EHHADH: variants seen among roughly 807,000 people sequenced by gnomAD.
EHHADH encodes the protein enoyl-CoA hydratase and 3-hydroxyacyl CoA dehydrogenase.
EHHADH carries 48 observed loss-of-function variants against 64.4 expected under a neutral mutation model. That is an observed-to-expected ratio of 0.75 (90% confidence interval 0.59 to 0.95). EHHADH has a LOEUF of 0.95. Ranked by LOEUF, EHHADH falls within the 40% of genes least tolerant of loss-of-function variation. The pLI is 0.00. For synonymous variants in EHHADH, 308 were observed against 326.7 expected, an observed-to-expected ratio of 0.94 and a Z score of 0.62; for missense variants, 854 against 876.6, an observed-to-expected ratio of 0.97 and a Z score of 0.33.
intron 4 of EHHADH, among the ~76,000 whole-genome samples, chr3:185,226,108 G>A (rs1179050453): frequency 1.3e-5 from 2 of 152,162 alleles, no homozygotes; most frequent in African/African-American, 2.4e-5. Flanking sequence ...TAACCACTTG[G>A]TATTCAAGCT....
intron 4 of EHHADH, among the ~76,000 whole-genome samples, chr3:185,223,350 C>T (rs1361263721): frequency 6.6e-6 from 1 of 152,034 alleles, no homozygotes; most frequent in African/African-American, 2.4e-5. Context: ...TCTTATTTAA[C>T]AAAATATTTT....
chr3:185,240,402 T>G (rs200321179), intron 2 of EHHADH, among the ~76,000 whole-genome samples: 2 of 20,704 alleles, frequency 9.7e-5, no homozygotes, highest in African/African-American at 1.6e-4. Context: ...TGGTCTTGGG[T>G]TTTTTTTGGT....
rs748170825 is a variant in EHHADH, at chr3:185,192,433, T to TC, written c.1964dup (p.Trp656MetfsTer33). 4.3e-6 allele frequency: 7 copies of TC among 1,614,108 alleles called. No individual in the cohort carries two copies. Among genetic ancestry groups the TC allele is most frequent in the Non-Finnish European group, 5.9e-6 (7 of 1,180,054 alleles). ...TGGGCCCGCCCTTGTGCCTTGGCCA[T>TC]CCATATCCATGTAAATAGACAACAT... On this transcript the variant is annotated frameshift_variant, in exon 7 of 7. Coordinates refer to ENST00000231887, the MANE Select transcript of EHHADH (RefSeq NM_001966.4). LOFTEE classifies it high-confidence loss of function.
chr3:185,245,883 C>G (rs550899028), intron 2 of EHHADH: 1 of 1,107,502 alleles, frequency 9.0e-7, no homozygotes. Flanking sequence ...GGATTCTTTT[C>G]CCTCATGATG....
Position 185,253,772 on chromosome 3 carries a change from A to AAAAAAAAG in EHHADH, c.74+176_74+177insCTTTTTTT, listed in dbSNP as rs1553780971. On this transcript the variant is annotated intron_variant, in intron 1 of 6. Coordinates refer to ENST00000231887, the MANE Select transcript of EHHADH (RefSeq NM_001966.4). ...AAGCTAATCTAGGTTAAAAAAAAAA[A>AAAAAAAAG]AAAAGAAAAGAAAAAGAAAGAAAGA... is the stretch of plus-strand genomic sequence containing the variant. 12 of 1,332,442 alleles carry AAAAAAAAG rather than the reference A, an allele frequency of 9.0e-6. No homozygotes were observed. The Admixed American group carries it at 9.7e-5, about 11-fold the overall frequency. The allele number at this position is 1,332,442 out of a possible 1,614,324, so 82.5% of individuals were successfully genotyped here.
chr3:185,245,808 T>G lies in EHHADH; in HGVS notation c.178+2606A>C, dbSNP rs1719578611. On this transcript the variant is annotated intron_variant, in intron 2 of 6. Transcript: ENST00000231887. ...AAGTTGACAGAAGAAGTTTTCTTGG[T>G]TCCTACTCAGACGACCTGTGGAGGT... 4 of 746,246 alleles carry G rather than the reference T, an allele frequency of 5.4e-6. No homozygotes were observed. The South Asian group carries it at 6.1e-5, about 11-fold the overall frequency. The allele number at this position is 746,246 out of a possible 1,614,324, so 46.2% of individuals were successfully genotyped here. A position where few individuals can be genotyped will look rare whatever the true frequency, so the allele number is the denominator to read the frequency against.
chr3:185,205,309 T>C (rs371562537), intron 5 of EHHADH, among the ~76,000 whole-genome samples: 293 of 152,246 alleles, frequency 1.9e-3, no homozygotes, highest in African/African-American at 7.0e-3. Context: ...AAGTTGGTTT[T>C]TCAACCTTTG....
chr3:185,202,338 CA>C (rs35411232), intron 6 of EHHADH, among the ~76,000 whole-genome samples: 92,054 of 126,172 alleles, frequency 0.73, 33,854 homozygotes, highest in Non-Finnish European at 0.82. Context: ...AACTCCATAT[CA>C]AAAAAAAAAA....
intron 1 of EHHADH, among the ~76,000 whole-genome samples, chr3:185,251,417 C>T (rs1380170512): frequency 3.3e-5 from 5 of 152,258 alleles, no homozygotes; most frequent in African/African-American, 2.4e-5. Context: ...TACGTAAAAA[C>T]GTGAGCTTTC....
chr3:185,240,973 C>T lies in EHHADH; in HGVS notation c.179-5511G>A, dbSNP rs375805204. 3.9e-5 allele frequency among the ~76,000 whole-genome samples: 6 copies of T among 152,108 alleles called. No individual in the cohort carries two copies. The East Asian group carries it at 5.8e-4, about 15-fold the overall frequency. ...CTTGCCCCACTCCCACCCTTCCCCC[C>T]CAAATCCCCAAAGTCCATTGTATCA... On this transcript the variant is annotated intron_variant, in intron 2 of 6. Transcript: ENST00000231887.
intron 2 of EHHADH, 60 bp from the exon 3 acceptor site, chr3:185,235,522 A>G (rs1577372521): frequency 1.5e-6 from 2 of 1,374,020 alleles, no homozygotes; most frequent in South Asian, 1.5e-5. Flanking sequence ...TTGTTATATA[A>G]CAGTAAGTTA....
At chr3:185,227,759 G>A (rs964075411) in intron 4 of EHHADH, among the ~76,000 whole-genome samples, 1 of 152,212 alleles carries the variant, frequency 6.6e-6, no homozygotes, top group African/African-American at 2.4e-5. Context: ...CTGGGAGGCG[G>A]AGGTTGTGGT....
At chr3:185,222,245 G>A (rs1295170040) in intron 4 of EHHADH, among the ~76,000 whole-genome samples, 3 of 151,950 alleles carry the variant, frequency 2.0e-5, no homozygotes, top group African/African-American at 4.8e-5. Flanking sequence ...CATTGGCTGG[G>A]TGTGCCACGA....
chr3:185,218,318 T>G lies in EHHADH; in HGVS notation c.464-78A>C, dbSNP rs561850049. 4.4e-6 allele frequency: 4 copies of G among 917,238 alleles called. No individual in the cohort carries two copies. In the South Asian group the frequency reaches 6.3e-5, roughly 14 times the overall value. The allele number at this position is 917,238 out of a possible 1,614,324, so 56.8% of individuals were successfully genotyped here. ...AAAGCAAAAGCATTACTCTCTCTAG[T>G]AGGAAAGGCTGTCTGTCTGGATATA... On this transcript the variant is annotated intron_variant, in intron 4 of 6. Transcript: ENST00000231887.
chr3:185,215,077 C>T (rs1718646308), intron 5 of EHHADH, among the ~76,000 whole-genome samples: 2 of 152,056 alleles, frequency 1.3e-5, no homozygotes, highest in Admixed American at 6.5e-5. Context: ...CTGTTCTGAT[C>T]TGCTTGGCAA....
intron 4 of EHHADH, among the ~76,000 whole-genome samples, chr3:185,228,302 A>AGAGG (rs1427103486): frequency 7.2e-6 from 1 of 139,152 alleles, no homozygotes; most frequent in East Asian, 2.1e-4. Flanking sequence ...AGAGAGAGAG[A>AGAGG]GAAAGAGAGT....
At chr3:185,228,834 C>T (rs1227507396) in intron 4 of EHHADH, among the ~76,000 whole-genome samples, 4 of 151,852 alleles carry the variant, frequency 2.6e-5, no homozygotes, top group Admixed American at 1.3e-4. Context: ...AGATGAGTCT[C>T]GCTCTGTTGC....
chr3:185,251,251 T>C (rs898546793), intron 1 of EHHADH, among the ~76,000 whole-genome samples: 1 of 151,898 alleles, frequency 6.6e-6, no homozygotes, highest in Admixed American at 6.6e-5. Flanking sequence ...CCAAAAGTCA[T>C]CAAATCAAGT....
chr3:185,202,754 C>T (rs539464554), intron 6 of EHHADH, among the ~76,000 whole-genome samples: 1 of 152,262 alleles, frequency 6.6e-6, no homozygotes, highest in East Asian at 1.9e-4. Context: ...TGAGGTAGAA[C>T]AGTTTCATCC....
Sources: allele counts gnomAD v4.1 joint callset (sites outside exome capture counted in the v4.1 genomes callset), GRCh38; gene constraint gnomAD v4.1.1; transcripts MANE v1.5; gene names NCBI Gene and HGNC (gene_info 2026-07-23, HGNC 2026-07-21).